The following THADA variants were observed in gnomAD, a reference collection of about 807,000 sequenced individuals.
THADA encodes tRNA (32-2'-O)-methyltransferase regulator THADA.
In THADA, 213 loss-of-function variants were observed where a neutral mutation model predicts 219.8. That is an observed-to-expected ratio of 0.97 (90% CI 0.87 to 1.09). THADA has a LOEUF of 1.09. Ranked by LOEUF, THADA falls within the 50% of genes least tolerant of loss-of-function variation. The pLI, the probability that THADA is intolerant of heterozygous loss-of-function variation, is 0.00. For missense variants in THADA, 2,956 were observed against 2,311.3 expected (o/e 1.28, Z -5.72); for synonymous variants, 1,018 against 828.9 (o/e 1.23, Z -3.92).
chr2:43,475,979 T>A (rs1685484979), intron 26 of THADA, among the ~76,000 whole-genome samples: 1 of 152,236 alleles, frequency 6.6e-6, no homozygotes. Context: ...TAATCAATAT[T>A]TATTCCTCTA....
At chr2:43,288,691 T>C (rs1238972129) in intron 34 of THADA, among the ~76,000 whole-genome samples, 1 of 152,220 alleles carries the variant, frequency 6.6e-6, no homozygotes, top group African/African-American at 2.4e-5. Context: ...CTTCAGGGTT[T>C]TTAAGGAAGC....
chr2:43,572,883 T>C lies in THADA; in HGVS notation c.1839A>G (p.Ala613=). The change falls in exon 12 of 38, where the codon GCA becomes GCG. Residue 613 remains alanine, a synonymous_variant. Transcript: ENST00000405975. ...IARAHGHLQS[A]TDTWENLVSD... ...ACACGAGGTTCTCCCAGGTATCAGT[T>C]GCAGACTGAAGATGTCCATGAGCTC... The C allele has an allele frequency of 1.2e-6, 2 of 1,613,970 alleles. No homozygotes were observed. The highest frequency in any genetic ancestry group is 1.7e-6 in the Non-Finnish European group (2 of 1,179,848).
At chr2:43,452,239 C>T (rs1440965870) in intron 26 of THADA, among the ~76,000 whole-genome samples, 1 of 152,128 alleles carries the variant, frequency 6.6e-6, no homozygotes, top group African/African-American at 2.4e-5. Flanking sequence ...GTTCAGCTAA[C>T]ACTTTTAACT....
At chr2:43,454,358 T>C (rs1558786555) in intron 26 of THADA, among the ~76,000 whole-genome samples, 5 of 152,112 alleles carry the variant, frequency 3.3e-5, no homozygotes, top group African/African-American at 9.7e-5. Context: ...CCCAACACTT[T>C]GGGAGGCTGA....
chr2:43,543,266 G>C (rs921409750), intron 20 of THADA, among the ~76,000 whole-genome samples: 2 of 131,250 alleles, frequency 1.5e-5, no homozygotes, highest in African/African-American at 6.1e-5. Context: ...TCTTAATCCA[G>C]TCTATCATTG....
chr2:43,381,831 T>C (rs887350636), intron 29 of THADA, among the ~76,000 whole-genome samples: 1 of 152,116 alleles, frequency 6.6e-6, no homozygotes, highest in Non-Finnish European at 1.5e-5. Context: ...GTGATCTGCC[T>C]GCCTCGGCCT....
At chr2:43,436,391 T>C (rs909035753) in intron 26 of THADA, among the ~76,000 whole-genome samples, 1 of 152,090 alleles carries the variant, frequency 6.6e-6, no homozygotes, top group African/African-American at 2.4e-5. Flanking sequence ...GCTCTGCTCT[T>C]CCCCCAAACT....
chr2:43,384,958 T>C (rs1465684994), intron 29 of THADA, among the ~76,000 whole-genome samples: 1 of 152,052 alleles, frequency 6.6e-6, no homozygotes, highest in Admixed American at 6.6e-5. Context: ...CGGGCTAACA[T>C]GGTGAAACAC....
intron 23 of THADA, among the ~76,000 whole-genome samples, chr2:43,508,302 T>C (rs1459744474): frequency 6.6e-6 from 1 of 152,114 alleles, no homozygotes; most frequent in Non-Finnish European, 1.5e-5. Context: ...AGGAAGACTA[T>C]TTTTAAAAAA....
At chr2:43,478,419 G>T (rs890835219) in intron 26 of THADA, among the ~76,000 whole-genome samples, 2 of 152,112 alleles carry the variant, frequency 1.3e-5, no homozygotes, top group Non-Finnish European at 2.9e-5. Context: ...TATTGAAGGG[G>T]CAAGAAATAC....
intron 31 of THADA, among the ~76,000 whole-genome samples, chr2:43,299,462 C>T (rs1199916850): frequency 2.0e-5 from 3 of 151,628 alleles, no homozygotes; most frequent in South Asian, 4.2e-4. Context: ...AGTTTGAGAC[C>T]AACCTGGCCA....
intron 29 of THADA, among the ~76,000 whole-genome samples, chr2:43,375,234 G>C (rs1001353170): frequency 1.3e-5 from 2 of 152,116 alleles, no homozygotes; most frequent in African/African-American, 4.8e-5. Context: ...ACTTGCCCTA[G>C]CAAGTATCTA....
chr2:43,435,210 T>C (rs574523923), intron 26 of THADA, among the ~76,000 whole-genome samples: 150 of 152,288 alleles, frequency 9.8e-4, no homozygotes, highest in Non-Finnish European at 1.2e-3. Flanking sequence ...ATCCGAGCAC[T>C]TTGGGAGGCC....
chr2:43,525,310 C>T (rs913805216), intron 22 of THADA, among the ~76,000 whole-genome samples: 2 of 152,218 alleles, frequency 1.3e-5, no homozygotes, highest in African/African-American at 4.8e-5. Flanking sequence ...ACAACATCTC[C>T]TATCTGCGTA....
chr2:43,386,631 C>T (rs577127941), intron 29 of THADA, among the ~76,000 whole-genome samples: 12 of 152,044 alleles, frequency 7.9e-5, no homozygotes, highest in Non-Finnish European at 1.8e-4. Context: ...CAGTGGCTCA[C>T]GCCTGTAATC....
chr2:43,402,408 A>G (rs1397136437), intron 28 of THADA, among the ~76,000 whole-genome samples: 3 of 152,182 alleles, frequency 2.0e-5, no homozygotes, highest in East Asian at 3.8e-4. Context: ...ACACTTGAGG[A>G]ACCAAGAAGA....
chr2:43,348,227 GCAAA>G (rs1157203401), intron 29 of THADA, among the ~76,000 whole-genome samples: 1 of 152,186 alleles, frequency 6.6e-6, no homozygotes, highest in Non-Finnish European at 1.5e-5. Flanking sequence ...TTCCTGTAGG[GCAAA>G]CAGTCACCTG....
chr2:43,424,705 T>G (rs976592690), intron 28 of THADA, among the ~76,000 whole-genome samples: 2 of 152,336 alleles, frequency 1.3e-5, no homozygotes, highest in African/African-American at 2.4e-5. Context: ...TGGGGTAGCA[T>G]GGGTTTTCCC....
intron 29 of THADA, among the ~76,000 whole-genome samples, chr2:43,387,795 G>A (rs1442709397): frequency 3.3e-5 from 5 of 152,178 alleles, no homozygotes; most frequent in Non-Finnish European, 7.3e-5. Flanking sequence ...AATGTCAAGA[G>A]TGCCGAGGCT....
Sources: gnomAD v4.1 joint callset for allele counts (sites outside exome capture counted in the v4.1 genomes callset) on GRCh38, gnomAD v4.1.1 for gene constraint, MANE v1.5 for transcripts, NCBI Gene and HGNC (gene_info 2026-07-23, HGNC 2026-07-21) for gene names.